The following KCND2 variants were observed in gnomAD, a reference collection of about 807,000 sequenced individuals.
KCND2 encodes potassium voltage-gated channel subfamily D member 2, also known as A-type voltage-gated potassium channel KCND2.
Under a neutral mutation model 54.4 loss-of-function variants are expected in KCND2, and 16 were observed. That is an observed-to-expected ratio of 0.29 (90% CI 0.20 to 0.45). The LOEUF (loss-of-function observed/expected upper bound fraction) is 0.45, where lower values mean the gene tolerates loss of function less well. KCND2 is among the 20% of genes least tolerant of loss of function. KCND2 has a pLI of 1.00. For missense variants in KCND2, 486 were observed against 824.2 expected, an observed-to-expected ratio of 0.59 and a Z score of 5.02; for synonymous variants, 317 against 310.7, an observed-to-expected ratio of 1.02 and a Z score of -0.21.
chr7:120,717,368 G>A (rs1200190407), intron 1 of KCND2, among the ~76,000 whole-genome samples: 4 of 152,078 alleles, frequency 2.6e-5, no homozygotes, highest in Non-Finnish European at 5.9e-5. Context: ...GACAAGTGGG[G>A]CAGGGTGACA....
intron 1 of KCND2, among the ~76,000 whole-genome samples, chr7:120,330,126 C>CA (rs969339537): frequency 2.0e-5 from 3 of 152,082 alleles, no homozygotes; most frequent in Non-Finnish European, 4.4e-5. Context: ...CTCAGCTCCC[C>CA]ATTCACTAGA....
chr7:120,359,267 C>T (rs1039381248), intron 1 of KCND2, among the ~76,000 whole-genome samples: 1 of 152,050 alleles, frequency 6.6e-6, no homozygotes, highest in Non-Finnish European at 1.5e-5. Flanking sequence ...AGGCACCCTT[C>T]CTCTCTTCAT....
At chr7:120,409,909 C>A (rs1801422258) in intron 1 of KCND2, among the ~76,000 whole-genome samples, 1 of 151,778 alleles carries the variant, frequency 6.6e-6, no homozygotes. Flanking sequence ...TACAGTTTAT[C>A]ATTTTTTGTT....
intron 1 of KCND2, among the ~76,000 whole-genome samples, chr7:120,436,183 T>C (rs1801863241): frequency 6.6e-6 from 1 of 152,186 alleles, no homozygotes; most frequent in South Asian, 2.1e-4. Context: ...AATAAAAATA[T>C]TGGCCATCAT....
Position 120,274,621 on chromosome 7 carries a change from C to T in KCND2, c.-12C>T, listed in dbSNP as rs1799143952. 2.5e-6 allele frequency: 4 copies of T among 1,614,052 alleles called. No homozygotes were observed. Among genetic ancestry groups the T allele is most frequent in the African/African-American group, 1.3e-5 (1 of 74,930 alleles). On this transcript the variant is annotated 5_prime_UTR_variant, in exon 1 of 6. Transcript: ENST00000331113. ...CGCCTCGTTACCCTTCTTCCTTCCG[C>T]TTCAAGTAATCATGGCGGCGGGGGT...
In KCND2 at chr7:120,748,938, T is replaced by A. The variant is rs1478158943; in HGVS notation, c.*1080T>A. The A allele has an allele frequency of 8.6e-5, 13 of 151,926 alleles. No individual in the cohort carries two copies. Among genetic ancestry groups the A allele is most frequent in the Non-Finnish European group, 1.8e-4 (12 of 67,844 alleles). 9.4% of individuals were successfully genotyped at this position (151,926 alleles called of 1,614,324 possible). A position where few individuals can be genotyped will look rare whatever the true frequency, so the allele number is the denominator to read the frequency against. ...AAAAAATTATCTTGTAAGTAGCTTG[T>A]CATCAATCCCCTTGTCGAAAACTAG... is the stretch of plus-strand genomic sequence containing the variant. On this transcript the variant is annotated 3_prime_UTR_variant, in exon 6 of 6. Transcript: ENST00000331113.
At chr7:120,670,257 C>A (rs1791975661) in intron 1 of KCND2, among the ~76,000 whole-genome samples, 1 of 152,080 alleles carries the variant, frequency 6.6e-6, no homozygotes, top group African/African-American at 2.4e-5. Context: ...TTTTCAGGAT[C>A]ATATAGAATT....
intron 1 of KCND2, among the ~76,000 whole-genome samples, chr7:120,349,548 C>T (rs778311993): frequency 6.6e-5 from 10 of 151,688 alleles, no homozygotes; most frequent in South Asian, 6.2e-4. Flanking sequence ...ATTTTTTTTT[C>T]CTGGAGTAAA....
chr7:120,707,748 G>A (rs1274138689), intron 1 of KCND2, among the ~76,000 whole-genome samples: 2 of 152,038 alleles, frequency 1.3e-5, no homozygotes. Flanking sequence ...GGCTGAAGTA[G>A]AGGGACATTG....
At chr7:120,622,349 C>T (rs182306141) in intron 1 of KCND2, among the ~76,000 whole-genome samples, 314 of 152,146 alleles carry the variant, frequency 2.1e-3, no homozygotes, top group African/African-American at 7.3e-3. Flanking sequence ...TTCACTTTTA[C>T]GAGAGGGAGC....
chr7:120,484,010 A>G lies in KCND2; in HGVS notation c.1115+208263A>G, dbSNP rs1802652835. Among the ~76,000 whole-genome samples, 3 of 152,158 alleles carry G rather than the reference A, an allele frequency of 2.0e-5. No individual in the cohort carries two copies. In the South Asian group the frequency reaches 6.2e-4, roughly 32 times the overall value. ...CTGAAGAGAAAAAAAAGCTTGTCAAAGAAAGACTGAATGAACAAACCTGGA... is the reference window on the plus strand; with the variant it reads ...CTGAAGAGAAAAAAAAGCTTGTCAAGGAAAGACTGAATGAACAAACCTGGA... On this transcript the variant is annotated intron_variant, in intron 1 of 5. Coordinates refer to ENST00000331113, the MANE Select transcript of KCND2 (RefSeq NM_012281.3).
At chr7:120,346,668 C>A (rs1800321734) in intron 1 of KCND2, among the ~76,000 whole-genome samples, 1 of 148,994 alleles carries the variant, frequency 6.7e-6, no homozygotes, top group Non-Finnish European at 1.5e-5. Context: ...TCTCTTCTCT[C>A]CTCTCTCTCT....
chr7:120,350,857 C>G (rs1800389464), intron 1 of KCND2, among the ~76,000 whole-genome samples: 1 of 152,092 alleles, frequency 6.6e-6, no homozygotes, highest in Non-Finnish European at 1.5e-5. Flanking sequence ...TTTTGACAAC[C>G]AGGTCCACTG....
chr7:120,609,168 A>G (rs991811016), intron 1 of KCND2, among the ~76,000 whole-genome samples: 1 of 152,010 alleles, frequency 6.6e-6, no homozygotes, highest in Admixed American at 6.6e-5. Flanking sequence ...CTACCTAATC[A>G]CTGCCTTGAG....
intron 1 of KCND2, among the ~76,000 whole-genome samples, chr7:120,367,031 A>G (rs1026474305): frequency 2.0e-5 from 3 of 152,106 alleles, no homozygotes; most frequent in African/African-American, 7.2e-5. Context: ...GCGTAGTTAC[A>G]GTATCTAAGG....
At chr7:120,387,918 C>A (rs1198165818) in intron 1 of KCND2, among the ~76,000 whole-genome samples, 1 of 151,994 alleles carries the variant, frequency 6.6e-6, no homozygotes, top group Admixed American at 6.6e-5. Flanking sequence ...CACAAATCAA[C>A]ATAAATTTAT....
chr7:120,479,902 G>A (rs1363521662), intron 1 of KCND2, among the ~76,000 whole-genome samples: 1 of 148,882 alleles, frequency 6.7e-6, no homozygotes, highest in African/African-American at 2.5e-5. Context: ...AGGAGGCCGA[G>A]GCTGCAGTGA....
At chr7:120,395,693 G>C (rs892969986) in intron 1 of KCND2, among the ~76,000 whole-genome samples, 1 of 151,988 alleles carries the variant, frequency 6.6e-6, no homozygotes, top group African/African-American at 2.4e-5. Context: ...AAATGGTGGG[G>C]AGTTTCCAGA....
At chr7:120,747,633 C>T in intron 5 of KCND2, 48 bp from the exon 6 acceptor site, 2 of 1,372,790 alleles carry the variant, frequency 1.5e-6, no homozygotes, top group East Asian at 2.3e-5. Flanking sequence ...GTATGAAAAA[C>T]ATTTTAAGTA....
Sources: gnomAD v4.1 joint callset for allele counts (sites outside exome capture counted in the v4.1 genomes callset) on GRCh38, gnomAD v4.1.1 for gene constraint, MANE v1.5 for transcripts, NCBI Gene and HGNC (gene_info 2026-07-23, HGNC 2026-07-21) for gene names.